Variants in NUBPL observed in about 807,000 individuals in gnomAD.
NUBPL encodes NUBP iron-sulfur cluster assembly factor, mitochondrial.
In NUBPL, 31 loss-of-function variants were observed where a neutral mutation model predicts 45.7. That is an observed-to-expected ratio of 0.68 (90% CI 0.51 to 0.92). The LOEUF (loss-of-function observed/expected upper bound fraction) is 0.92. Among genes scored for constraint, NUBPL ranks in the 40% least tolerant of loss-of-function variants. The pLI, the probability that NUBPL is intolerant of heterozygous loss-of-function variation, is 0.00. For missense variants in NUBPL, 401 were observed against 398.7 expected, an observed-to-expected ratio of 1.01 and a Z score of -0.05; for synonymous variants, 144 against 140.9, an observed-to-expected ratio of 1.02 and a Z score of -0.15.
Position 31,787,791 on chromosome 14 carries a change from T to G in NUBPL, c.525T>G (p.Gly175=). 1 of 1,610,184 alleles carries G rather than the reference T, an allele frequency of 6.2e-7. No individual in the cohort carries two copies. The highest frequency in any genetic ancestry group is 8.5e-7 in the Non-Finnish European group (1 of 1,176,494). Reference sequence around the variant, plus strand: ...TGTCATCTTTTTAGGTAGATTGGGGTCAACTGGACTACTTAGTTGTAGACA... The same window carrying G: ...TGTCATCTTTTTAGGTAGATTGGGGGCAACTGGACTACTTAGTTGTAGACA... ...IEKLLRQVDW[G]QLDYLVVDMP... Residue 175 remains glycine (G), a synonymous_variant, in exon 7 of 11, where the codon GGT becomes GGG. Coordinates refer to ENST00000281081, the MANE Select transcript of NUBPL (RefSeq NM_025152.3).
At chr14:31,611,785 A>C (rs190934505) in intron 4 of NUBPL, among the ~76,000 whole-genome samples, 1 of 152,188 alleles carries the variant, frequency 6.6e-6, no homozygotes, top group Non-Finnish European at 1.5e-5. Flanking sequence ...CAGTGAATTC[A>C]TTTTCGACAA....
intron 4 of NUBPL, among the ~76,000 whole-genome samples, chr14:31,635,324 C>G (rs569595750): frequency 6.6e-6 from 1 of 152,310 alleles, no homozygotes; most frequent in East Asian, 1.9e-4. Flanking sequence ...CCAGTTTTCC[C>G]AGCACCATTT....
rs2034135405 is a variant in NUBPL, at chr14:31,591,256, G to A, written c.292-8033G>A. Among the ~76,000 whole-genome samples, 4 of 152,204 alleles carry A rather than the reference G, an allele frequency of 2.6e-5. 1 individual carries two copies. The highest frequency in any genetic ancestry group is 4.1e-4 in the South Asian group (2 of 4,830). ...CTGCTCACTGCAACCTCTGTCTTCC[G>A]GTTTTAAGCAATTCTCCTGCCTCAG... On this transcript the variant is annotated intron_variant, in intron 3 of 10. Transcript: ENST00000281081.
At position 31,618,276 on chromosome 14, in the gene NUBPL, C is replaced by T. The variant is rs2034964607; in HGVS notation, c.382+18897C>T. On this transcript the variant is annotated intron_variant, in intron 4 of 10. Coordinates refer to ENST00000281081, the MANE Select transcript of NUBPL (RefSeq NM_025152.3). ...GGGTGTTTTGTGTCTCTATGTCCTTCAGTTCTGCTCTGATCTTAGTTATTT... is the reference window on the plus strand; with the variant it reads ...GGGTGTTTTGTGTCTCTATGTCCTTTAGTTCTGCTCTGATCTTAGTTATTT... 1.3e-5 allele frequency among the ~76,000 whole-genome samples: 2 copies of T among 152,082 alleles called. 1 individual carries two copies. Among genetic ancestry groups the T allele is most frequent in the South Asian group, 4.1e-4 (2 of 4,830 alleles).
At chr14:31,615,095 C>T (rs1384110164) in intron 4 of NUBPL, among the ~76,000 whole-genome samples, 2 of 152,024 alleles carry the variant, frequency 1.3e-5, no homozygotes, top group Non-Finnish European at 2.9e-5. Flanking sequence ...GTGACTGGAT[C>T]ATGGGGGTGG....
chr14:31,694,807 C>T (rs546240864), intron 6 of NUBPL, among the ~76,000 whole-genome samples: 55 of 152,310 alleles, frequency 3.6e-4, no homozygotes, highest in African/African-American at 1.1e-3. Context: ...AGCCTCTGCA[C>T]GCAGCCAGCA....
chr14:31,677,841 C>T (rs1038645393), intron 6 of NUBPL, among the ~76,000 whole-genome samples: 3 of 152,166 alleles, frequency 2.0e-5, no homozygotes, highest in Non-Finnish European at 2.9e-5. Flanking sequence ...TGTAGCTGTA[C>T]GATCAGCAGG....
At chr14:31,611,247 T>C (rs182130723) in intron 4 of NUBPL, among the ~76,000 whole-genome samples, 13 of 152,298 alleles carry the variant, frequency 8.5e-5, no homozygotes, top group African/African-American at 2.4e-4. Flanking sequence ...GGATACAAAA[T>C]CTACTTGCAG....
intron 4 of NUBPL, among the ~76,000 whole-genome samples, chr14:31,616,223 C>T (rs892339066): frequency 6.6e-6 from 1 of 152,084 alleles, no homozygotes; most frequent in African/African-American, 2.4e-5. Context: ...AATTTTCTCC[C>T]ATTCTGTAGG....
intron 7 of NUBPL, among the ~76,000 whole-genome samples, chr14:31,797,804 T>G (rs2039492664): frequency 7.1e-6 from 1 of 140,882 alleles, no homozygotes; most frequent in Admixed American, 7.1e-5. Flanking sequence ...TTTTGCTCAT[T>G]AGTTGATGCA....
intron 4 of NUBPL, among the ~76,000 whole-genome samples, chr14:31,657,458 C>T (rs572046491): frequency 6.6e-6 from 1 of 152,282 alleles, no homozygotes; most frequent in South Asian, 2.1e-4. Flanking sequence ...CTTATAGCCA[C>T]AATGTTATAA....
intron 6 of NUBPL, among the ~76,000 whole-genome samples, chr14:31,741,246 C>T (rs1331209567): frequency 6.6e-6 from 1 of 152,070 alleles, no homozygotes; most frequent in Non-Finnish European, 1.5e-5. Flanking sequence ...TGGGCAAGTG[C>T]AGGGGGCAGG....
intron 3 of NUBPL, among the ~76,000 whole-genome samples, chr14:31,586,247 A>G (rs896590234): frequency 3.9e-5 from 6 of 152,226 alleles, no homozygotes; most frequent in Admixed American, 2.6e-4. Context: ...CGATATATTA[A>G]TACATATTTA....
chr14:31,716,340 A>C (rs1189231506), intron 6 of NUBPL, among the ~76,000 whole-genome samples: 1 of 152,084 alleles, frequency 6.6e-6, no homozygotes, highest in Admixed American at 6.6e-5. Context: ...CATCACCATC[A>C]CCCAGTATTA....
At chr14:31,748,851 G>A (rs1381306397) in intron 6 of NUBPL, among the ~76,000 whole-genome samples, 2 of 152,086 alleles carry the variant, frequency 1.3e-5, no homozygotes, top group Non-Finnish European at 2.9e-5. Context: ...GACCTCAGGT[G>A]ATCTACCCAC....
At chr14:31,672,840 G>T (rs1009809956) in intron 4 of NUBPL, among the ~76,000 whole-genome samples, 1 of 152,174 alleles carries the variant, frequency 6.6e-6, no homozygotes, top group Non-Finnish European at 1.5e-5. Flanking sequence ...GAAATAGTAT[G>T]CTTGGTATAA....
chr14:31,622,289 A>C (rs1013858361), intron 4 of NUBPL, among the ~76,000 whole-genome samples: 1 of 152,090 alleles, frequency 6.6e-6, no homozygotes, highest in African/African-American at 2.4e-5. Flanking sequence ...CTGAAATTTG[A>C]ACTTAGTTTA....
At chr14:31,661,723 G>A (rs2036274719) in intron 4 of NUBPL, among the ~76,000 whole-genome samples, 1 of 152,074 alleles carries the variant, frequency 6.6e-6, no homozygotes, top group East Asian at 1.9e-4. Flanking sequence ...TGTATTTTTA[G>A]TAGAGACGGG....
intron 4 of NUBPL, among the ~76,000 whole-genome samples, chr14:31,658,880 A>G (rs1218755056): frequency 2.0e-5 from 3 of 152,196 alleles, no homozygotes; most frequent in Admixed American, 6.5e-5. Flanking sequence ...GAACATGTTT[A>G]TGAGCACTTA....
Sources: gnomAD v4.1 joint callset for allele counts (sites outside exome capture counted in the v4.1 genomes callset) on GRCh38, gnomAD v4.1.1 for gene constraint, MANE v1.5 for transcripts, NCBI Gene and HGNC (gene_info 2026-07-23, HGNC 2026-07-21) for gene names.